The following MARCHF4 variants were observed in gnomAD, a reference collection of about 807,000 sequenced individuals.
MARCHF4 encodes the protein E3 ubiquitin-protein ligase MARCHF4.
A neutral mutation model predicts 43.9 loss-of-function variants in MARCHF4; 14 were observed. That is an observed-to-expected ratio of 0.32 (90% CI 0.21 to 0.50). The LOEUF is 0.50. MARCHF4 is among the 20% of genes least tolerant of loss of function. MARCHF4 has a pLI of 0.98. For missense variants in MARCHF4, 468 were observed against 536.7 expected (o/e 0.87, Z 1.27); for synonymous variants, 226 against 213.3 (o/e 1.06, Z -0.52).
chr2:216,357,569 C>T (rs1228016164), intron 1 of MARCHF4, among the ~76,000 whole-genome samples: 3 of 152,344 alleles, frequency 2.0e-5, no homozygotes, highest in Middle Eastern at 3.4e-3. Context: ...AATCTTCCCG[C>T]CTTAGTCAGC....
chr2:216,329,096 C>T lies in MARCHF4; in HGVS notation c.516+40649G>A, dbSNP rs1559100950. Among the ~76,000 whole-genome samples, 3 of 151,248 alleles carry T rather than the reference C, an allele frequency of 2.0e-5. No homozygotes were observed. In the South Asian group the frequency reaches 6.3e-4, roughly 32 times the overall value. On this transcript the variant is annotated intron_variant, in intron 1 of 3. Coordinates refer to ENST00000273067, the MANE Select transcript of MARCHF4 (RefSeq NM_020814.3). ...AAATGCTATGATAAAAATAAAAACA[C>T]CCGGCCGGGCGCGGTGGCTCACGCC...
At chr2:216,276,874 A>T (rs1327042929) in intron 3 of MARCHF4, among the ~76,000 whole-genome samples, 1 of 152,160 alleles carries the variant, frequency 6.6e-6, no homozygotes, top group Non-Finnish European at 1.5e-5. Context: ...GGAAAGACCC[A>T]GCCCGCAACC....
At chr2:216,287,674 A>T (rs1338262391) in intron 1 of MARCHF4, among the ~76,000 whole-genome samples, 6 of 150,070 alleles carry the variant, frequency 4.0e-5, no homozygotes, top group African/African-American at 1.2e-4. Flanking sequence ...GCATTAGGAG[A>T]TATACCTAAT....
chr2:216,285,677 C>T (rs1417217066), intron 1 of MARCHF4, among the ~76,000 whole-genome samples: 1 of 152,132 alleles, frequency 6.6e-6, no homozygotes, highest in African/African-American at 2.4e-5. Context: ...TTTGGCACAC[C>T]CATCACGGCC....
rs1692763727 is a variant in MARCHF4 at position 216,371,474 on chromosome 2, C to G, written c.-1214G>C. The G allele has an allele frequency of 6.6e-6, 1 of 152,364 alleles. No homozygotes were observed. Among genetic ancestry groups the G allele is most frequent in the Admixed American group, 6.5e-5 (1 of 15,280 alleles). The allele number at this position is 152,364 out of a possible 1,614,324, so 9.4% of individuals were successfully genotyped here. ...CCGGCTCCGGGTCGGCCCGCGCCCG[C>G]AGCTGCTGCTGCGGCGGCGGAGGCG... On this transcript the variant is annotated 5_prime_UTR_variant, in exon 1 of 4. Coordinates refer to ENST00000273067, the MANE Select transcript of MARCHF4 (RefSeq NM_020814.3).
intron 1 of MARCHF4, among the ~76,000 whole-genome samples, chr2:216,365,422 G>A (rs1692649617): frequency 6.6e-6 from 1 of 152,172 alleles, no homozygotes; most frequent in Admixed American, 6.5e-5. Flanking sequence ...TTTCATCTTT[G>A]TACCCACTGC....
chr2:216,333,152 G>T (rs1692106340), intron 1 of MARCHF4, among the ~76,000 whole-genome samples: 1 of 152,164 alleles, frequency 6.6e-6, no homozygotes, highest in African/African-American at 2.4e-5. Flanking sequence ...GGGAAAAATT[G>T]ATAAAATTAA....
At chr2:216,352,428 G>C (rs1410307433) in intron 1 of MARCHF4, among the ~76,000 whole-genome samples, 1 of 152,226 alleles carries the variant, frequency 6.6e-6, no homozygotes, top group Non-Finnish European at 1.5e-5. Context: ...AGAGAAAGGA[G>C]GATGAGTGAG....
At chr2:216,327,142 C>A (rs953451473) in intron 1 of MARCHF4, among the ~76,000 whole-genome samples, 2 of 151,596 alleles carry the variant, frequency 1.3e-5, no homozygotes, top group Non-Finnish European at 2.9e-5. Context: ...TTTGTTTTTA[C>A]TTTGTATTTT....
chr2:216,344,453 A>T (rs1692283335), intron 1 of MARCHF4, among the ~76,000 whole-genome samples: 2 of 152,174 alleles, frequency 1.3e-5, no homozygotes, highest in African/African-American at 4.8e-5. Context: ...CACCAGAAGC[A>T]GGGTGGAGTG....
At chr2:216,308,772 G>C (rs1170054437) in intron 1 of MARCHF4, among the ~76,000 whole-genome samples, 1 of 152,162 alleles carries the variant, frequency 6.6e-6, no homozygotes, top group African/African-American at 2.4e-5. Context: ...TCATTAACCT[G>C]AGCTAAAAAT....
intron 1 of MARCHF4, among the ~76,000 whole-genome samples, chr2:216,368,512 G>A (rs1197098961): frequency 6.6e-6 from 1 of 152,162 alleles, no homozygotes; most frequent in Non-Finnish European, 1.5e-5. Flanking sequence ...AGGGATCACT[G>A]GTCCCCAGAG....
intron 1 of MARCHF4, among the ~76,000 whole-genome samples, chr2:216,323,647 G>T (rs1691941511): frequency 6.6e-6 from 1 of 152,062 alleles, no homozygotes; most frequent in Admixed American, 6.5e-5. Context: ...CTAGAACTCA[G>T]GATTAAGAAA....
At chr2:216,297,191 T>C (rs1574467408) in intron 1 of MARCHF4, among the ~76,000 whole-genome samples, 1 of 152,326 alleles carries the variant, frequency 6.6e-6, no homozygotes, top group Non-Finnish European at 1.5e-5. Context: ...GCAATTTTAT[T>C]TTCTGTTTCA....
At chr2:216,352,842 G>A (rs1692422372) in intron 1 of MARCHF4, among the ~76,000 whole-genome samples, 1 of 152,136 alleles carries the variant, frequency 6.6e-6, no homozygotes. Flanking sequence ...CTTAATTCCT[G>A]CCCTGCAGTC....
In MARCHF4 at chr2:216,258,616, A is replaced by C. The variant is rs1335993512; in HGVS notation, c.*696T>G. On this transcript the variant is annotated 3_prime_UTR_variant, in exon 4 of 4. Coordinates refer to ENST00000273067, the MANE Select transcript of MARCHF4 (RefSeq NM_020814.3). ...GGGCACAGAAGGACACCCTTTTCCA[A>C]ACCTAAGCCCTCTTTTAGCCCACCT... 6.6e-6 allele frequency: 1 copy of C among 151,668 alleles called. No homozygotes were observed. The highest frequency in any genetic ancestry group is 1.5e-5 in the Non-Finnish European group (1 of 67,978). The allele number at this position is 151,668 out of a possible 1,614,324, so 9.4% of individuals were successfully genotyped here. A position where few individuals can be genotyped will look rare whatever the true frequency, so the allele number is the denominator to read the frequency against.
Position 216,365,943 on chromosome 2 carries a change from G to A in MARCHF4, c.516+3802C>T, listed in dbSNP as rs10932659. ...TAATAAAGACTTTGATGATGGAAAC[G>A]GACAAGCTCTGCTCTGTGCCTAGAG... On this transcript the variant is annotated intron_variant, in intron 1 of 3. Transcript: ENST00000273067. Among the ~76,000 whole-genome samples, 1,281 of 152,274 alleles carry A rather than the reference G, an allele frequency of 8.4e-3. 14 individuals carry two copies. Among genetic ancestry groups the A allele is most frequent in the African/African-American group, 0.029 (1,204 of 41,560 alleles).
chr2:216,273,494 A>G (rs1025249551), intron 3 of MARCHF4, among the ~76,000 whole-genome samples: 4 of 152,090 alleles, frequency 2.6e-5, no homozygotes, highest in Non-Finnish European at 4.4e-5. Context: ...GCTTATGGAT[A>G]TTGATGCTTT....
chr2:216,357,695 G>A (rs1692522378), intron 1 of MARCHF4, among the ~76,000 whole-genome samples: 1 of 152,100 alleles, frequency 6.6e-6, no homozygotes, highest in African/African-American at 2.4e-5. Flanking sequence ...TCTCTAATTA[G>A]ACTATTTTTA....
Sources: allele counts gnomAD v4.1 joint callset (sites outside exome capture counted in the v4.1 genomes callset), GRCh38; gene constraint gnomAD v4.1.1; transcripts MANE v1.5; gene names NCBI Gene and HGNC (gene_info 2026-07-23, HGNC 2026-07-21).